The following SLC25A21 variants were observed in gnomAD, a reference collection of about 807,000 sequenced individuals.
SLC25A21 encodes solute carrier family 25 member 21, also known as mitochondrial 2-oxodicarboxylate carrier.
In SLC25A21, 47 loss-of-function variants were observed where a neutral mutation model predicts 43.8. The ratio of observed to expected loss-of-function variants is 1.07; its 90% CI spans 0.85 to 1.37. SLC25A21 has a LOEUF of 1.37. SLC25A21 is among the 40% of genes most tolerant of loss of function. The pLI is 0.00. For missense variants in SLC25A21, 352 were observed against 350.2 expected (o/e 1.00, Z -0.04); for synonymous variants, 131 against 121.3 (o/e 1.08, Z -0.52).
intron 2 of SLC25A21, among the ~76,000 whole-genome samples, chr14:36,858,566 CCT>C (rs1189198833): frequency 6.6e-6 from 1 of 151,988 alleles, no homozygotes; most frequent in African/African-American, 2.4e-5. Flanking sequence ...AATATTGAAC[CCT>C]GAGTTTGTAT....
intron 7 of SLC25A21, among the ~76,000 whole-genome samples, chr14:36,692,839 T>C (rs1882848020): frequency 6.6e-6 from 1 of 152,220 alleles, no homozygotes; most frequent in East Asian, 1.9e-4. Flanking sequence ...TCCCACCTCA[T>C]GTCAGCCCAA....
chr14:36,724,223 T>C (rs893973339), intron 6 of SLC25A21, among the ~76,000 whole-genome samples: 3 of 152,126 alleles, frequency 2.0e-5, no homozygotes, highest in African/African-American at 4.8e-5. Context: ...GTAAAAAAAA[T>C]TCCCCCTGAA....
chr14:37,108,450 T>C (rs1384919025), intron 1 of SLC25A21, among the ~76,000 whole-genome samples: 1 of 152,222 alleles, frequency 6.6e-6, no homozygotes, highest in African/African-American at 2.4e-5. Flanking sequence ...AATTTCATTA[T>C]ATAACATCCA....
intron 1 of SLC25A21, among the ~76,000 whole-genome samples, chr14:37,062,936 T>C (rs1227910692): frequency 6.6e-6 from 1 of 152,052 alleles, no homozygotes; most frequent in African/African-American, 2.4e-5. Context: ...CCGGGTAATT[T>C]ATAAAGGAAA....
In SLC25A21 at chr14:36,678,607, A is replaced by G. The variant is rs530930567; in HGVS notation, c.*2051T>C. The G allele has an allele frequency of 6.9e-6, 10 of 1,455,812 alleles. No homozygotes were observed. The East Asian group carries it at 1.7e-4, about 25-fold the overall frequency. 90.2% of individuals were successfully genotyped at this position (1,455,812 alleles called of 1,614,324 possible). ...GTCATCTGAAAAACTGATGTAAGGT[A>G]CAGAACTATTCTTTATCAAATGTTT... On this transcript the variant is annotated 3_prime_UTR_variant, in exon 10 of 10. Coordinates refer to ENST00000331299, the MANE Select transcript of SLC25A21 (RefSeq NM_030631.4).
chr14:37,154,512 G>A (rs942011938), intron 1 of SLC25A21, among the ~76,000 whole-genome samples: 5 of 151,878 alleles, frequency 3.3e-5, no homozygotes, highest in African/African-American at 9.7e-5. Flanking sequence ...CAATTCTCCA[G>A]TAACAGTTCT....
At chr14:36,982,067 T>A (rs1960037720) in intron 1 of SLC25A21, among the ~76,000 whole-genome samples, 1 of 152,196 alleles carries the variant, frequency 6.6e-6, no homozygotes, top group Non-Finnish European at 1.5e-5. Flanking sequence ...TATAGTCAAA[T>A]ATCTGGGAAG....
At chr14:36,829,052 C>T (rs1888939557) in intron 2 of SLC25A21, among the ~76,000 whole-genome samples, 1 of 152,100 alleles carries the variant, frequency 6.6e-6, no homozygotes, top group Admixed American at 6.6e-5. Flanking sequence ...CAGACACCCA[C>T]CACACCTGGC....
intron 4 of SLC25A21, among the ~76,000 whole-genome samples, chr14:36,731,509 T>C (rs1207011230): frequency 1.3e-5 from 2 of 152,178 alleles, no homozygotes; most frequent in South Asian, 2.1e-4. Flanking sequence ...AGTAAGACTT[T>C]TGAAAAATCT....
At chr14:36,729,142 G>C (rs563813314) in intron 5 of SLC25A21, among the ~76,000 whole-genome samples, 1 of 152,336 alleles carries the variant, frequency 6.6e-6, no homozygotes, top group African/African-American at 2.4e-5. Flanking sequence ...TGGTGCAAAA[G>C]CTGGAAAAGT....
chr14:36,845,540 C>G (rs965749927), intron 2 of SLC25A21, among the ~76,000 whole-genome samples: 1 of 152,134 alleles, frequency 6.6e-6, no homozygotes, highest in Admixed American at 6.5e-5. Flanking sequence ...GTAAAATGTG[C>G]CAAGTATTGC....
chr14:36,906,225 A>G (rs996339703), intron 1 of SLC25A21, among the ~76,000 whole-genome samples: 1 of 152,242 alleles, frequency 6.6e-6, no homozygotes, highest in Non-Finnish European at 1.5e-5. Context: ...AATCTAAAGC[A>G]CTTAAGTAAA....
intron 1 of SLC25A21, among the ~76,000 whole-genome samples, chr14:36,894,444 G>C (rs1891178219): frequency 6.6e-6 from 1 of 152,136 alleles, no homozygotes; most frequent in Non-Finnish European, 1.5e-5. Flanking sequence ...TTTGGGCTGA[G>C]ACAATGGGGT....
At chr14:36,855,095 A>G (rs894584517) in intron 2 of SLC25A21, among the ~76,000 whole-genome samples, 2 of 152,118 alleles carry the variant, frequency 1.3e-5, no homozygotes, top group Non-Finnish European at 2.9e-5. Context: ...GAACAATGTC[A>G]GTAAAGTAAT....
intron 3 of SLC25A21, among the ~76,000 whole-genome samples, chr14:36,805,219 G>A (rs1466128562): frequency 2.6e-5 from 4 of 152,154 alleles, no homozygotes; most frequent in Middle Eastern, 3.2e-3. Context: ...CACTGCAAAC[G>A]TTTTCACTTA....
chr14:37,141,667 G>A (rs1963572647), intron 1 of SLC25A21, among the ~76,000 whole-genome samples: 1 of 152,042 alleles, frequency 6.6e-6, no homozygotes, highest in Non-Finnish European at 1.5e-5. Flanking sequence ...GTAGCAAGTT[G>A]CCCCATTAAA....
At chr14:36,692,475 T>C (rs1317510110) in intron 7 of SLC25A21, among the ~76,000 whole-genome samples, 1 of 152,174 alleles carries the variant, frequency 6.6e-6, no homozygotes, top group African/African-American at 2.4e-5. Context: ...ATAAAATATG[T>C]CCATTGAAAG....
intron 1 of SLC25A21, among the ~76,000 whole-genome samples, chr14:37,140,262 T>A (rs1963548942): frequency 2.0e-5 from 3 of 152,230 alleles, no homozygotes; most frequent in Admixed American, 1.3e-4. Flanking sequence ...ATAAAAACTT[T>A]AAAATGTATT....
At chr14:36,716,285 G>A (rs771992814) in intron 6 of SLC25A21, among the ~76,000 whole-genome samples, 1 of 152,156 alleles carries the variant, frequency 6.6e-6, no homozygotes, top group East Asian at 1.9e-4. Context: ...GATGCAGGTG[G>A]AAGGGTGCAA....
Sources: allele counts gnomAD v4.1 joint callset (sites outside exome capture counted in the v4.1 genomes callset), GRCh38; gene constraint gnomAD v4.1.1; transcripts MANE v1.5; gene names NCBI Gene and HGNC (gene_info 2026-07-23, HGNC 2026-07-21).